ART3: variants seen among roughly 807,000 people sequenced by gnomAD.
ART3 encodes the protein ADP-ribosyltransferase 3 (inactive), also known as ecto-ADP-ribosyltransferase 3.
In ART3, 49 loss-of-function variants were observed where a neutral mutation model predicts 48.5. The observed-to-expected ratio is 1.01, with a 90% CI of 0.80 to 1.28. The LOEUF (loss-of-function observed/expected upper bound fraction) is 1.28, where lower values mean the gene tolerates loss of function less well. Among genes scored for constraint, ART3 ranks in the 50% most tolerant of loss-of-function variants. ART3 has a pLI of 0.00. For synonymous variants in ART3, 145 were observed against 157.2 expected (o/e 0.92, Z 0.58); for missense variants, 438 against 454.3 (o/e 0.96, Z 0.33).
At chr4:76,022,260 A>T in intron 1 of ART3, 1 of 913,900 alleles carries the variant, frequency 1.1e-6, no homozygotes, top group Non-Finnish European at 1.8e-6. Flanking sequence ...GTGGTAACAT[A>T]CTTTTAAACC....
chr4:76,031,909 A>G (rs1217099552), intron 1 of ART3, among the ~76,000 whole-genome samples: 2 of 152,156 alleles, frequency 1.3e-5, no homozygotes, highest in Non-Finnish European at 2.9e-5. Flanking sequence ...AATAAATAGG[A>G]CACCTAATCT....
chr4:76,069,800 C>A (rs527275615), upstream of ART3, among the ~76,000 whole-genome samples: 1 of 151,262 alleles, frequency 6.6e-6, no homozygotes, highest in South Asian at 2.1e-4. Flanking sequence ...CACTTTTTGA[C>A]TATTATATTT....
chr4:76,041,829 G>A (rs1735002229), intron 1 of ART3, among the ~76,000 whole-genome samples: 1 of 152,158 alleles, frequency 6.6e-6, no homozygotes, highest in South Asian at 2.1e-4. Flanking sequence ...TAAAGCTGAG[G>A]TTGGAGAGGC....
In ART3 at chr4:76,065,450, A is replaced by G. The variant is rs576322587; in HGVS notation, c.-9-10431A>G. ...GAGAATGTACAAACTCCACATAGAC[A>G]GTAGTCCTGGCTGAGAATCAGGTTT... On this transcript the variant is annotated intron_variant, in intron 1 of 9. Transcript: ENST00000341029. Among the ~76,000 whole-genome samples, 15 of 152,240 alleles carry G rather than the reference A, an allele frequency of 9.9e-5. No individual in the cohort carries two copies. The East Asian group carries it at 2.7e-3, about 27-fold the overall frequency.
In ART3 at chr4:76,104,596, G is replaced by A; in HGVS notation, c.971-1G>A. On this transcript the variant is annotated splice_acceptor_variant, in intron 9 of 11. Transcript: ENST00000355810. LOFTEE classifies it high-confidence loss of function. Reference sequence around the variant, plus strand: ...TCATTGGAAACTTCCTTCTCATTTAGGAATGAAAATTCCAGAACCTTTTCC... The same window carrying A: ...TCATTGGAAACTTCCTTCTCATTTAAGAATGAAAATTCCAGAACCTTTTCC... The A allele has an allele frequency of 6.4e-7, 1 of 1,551,492 alleles. No individual in the cohort carries two copies. Among genetic ancestry groups the A allele is most frequent in the East Asian group, 2.4e-5 (1 of 40,914 alleles).
chr4:76,073,039 C>G (rs1429810935), upstream of ART3, among the ~76,000 whole-genome samples: 2 of 152,238 alleles, frequency 1.3e-5, no homozygotes, highest in Non-Finnish European at 2.9e-5. Context: ...TCACTACATT[C>G]TAACATACTT....
chr4:76,023,318 T>C, intron 1 of ART3: 1 of 1,353,624 alleles, frequency 7.4e-7, no homozygotes. Context: ...TTAGAATTTA[T>C]ACCTATTCCT....
rs181170252 is a variant in ART3 at position 76,035,389 on chromosome 4, G to T, written c.-10+24069G>T. ...GTTAGTAATGCATCTGATTGCAACA[G>T]ATGGCTGTGGTTTATAGCTGGTGGT... On this transcript the variant is annotated intron_variant, in intron 1 of 9. Coordinates refer to the ART3 transcript ENST00000341029. 2.3e-3 allele frequency: 3,695 copies of T among 1,595,392 alleles called. 42 individuals carry two copies. The highest frequency in any genetic ancestry group is 0.022 in the South Asian group (1,985 of 88,290).
intron 1 of ART3, among the ~76,000 whole-genome samples, chr4:76,049,715 G>A (rs555488487): frequency 1.3e-4 from 19 of 151,978 alleles, no homozygotes; most frequent in East Asian, 1.2e-3. Flanking sequence ...GGCGATAGGC[G>A]ATTGTCTCAC....
intron 1 of ART3, among the ~76,000 whole-genome samples, chr4:76,050,005 A>G (rs1578324317): frequency 1.3e-5 from 2 of 151,068 alleles, no homozygotes. Context: ...TACAGCTCTT[A>G]AGGCGGCGCG....
At chr4:76,027,890 T>G (rs1056824210) in intron 1 of ART3, among the ~76,000 whole-genome samples, 1 of 151,200 alleles carries the variant, frequency 6.6e-6, no homozygotes, top group Non-Finnish European at 1.5e-5. Context: ...GTAAGCATAT[T>G]CTCAGAGAGT....
At chr4:76,020,582 C>G (rs772880100) in intron 1 of ART3, among the ~76,000 whole-genome samples, 14 of 152,150 alleles carry the variant, frequency 9.2e-5, no homozygotes, top group Non-Finnish European at 1.9e-4. Context: ...TGCAATTAAA[C>G]TAGGACATAG....
intron 3 of ART3, among the ~76,000 whole-genome samples, chr4:76,088,519 A>C (rs899492133): frequency 6.6e-6 from 1 of 152,148 alleles, no homozygotes; most frequent in African/African-American, 2.4e-5. Flanking sequence ...GTGAGCCTAC[A>C]GGACTATCCA....
At chr4:76,037,907 C>G (rs1030245690) in intron 1 of ART3, among the ~76,000 whole-genome samples, 2 of 151,936 alleles carry the variant, frequency 1.3e-5, no homozygotes, top group African/African-American at 4.8e-5. Flanking sequence ...TATTCAACTT[C>G]TTTTTTTGAG....
intron 2 of ART3, among the ~76,000 whole-genome samples, chr4:76,079,942 AGAG>A: frequency 6.6e-6 from 1 of 152,072 alleles, no homozygotes; most frequent in African/African-American, 2.4e-5. Flanking sequence ...AGAGAGAGAG[AGAG>A]AGAGAGTTTT....
intron 1 of ART3, chr4:76,035,854 A>G (rs1734340357): frequency 7.4e-7 from 1 of 1,344,240 alleles, no homozygotes; most frequent in South Asian, 1.2e-5. Flanking sequence ...CTTTTAGGAT[A>G]AAAGTGGAAG....
intron 1 of ART3, among the ~76,000 whole-genome samples, chr4:76,032,853 T>G (rs908834579): frequency 6.6e-6 from 1 of 152,128 alleles, no homozygotes; most frequent in Non-Finnish European, 1.5e-5. Context: ...CCCAAAGTGC[T>G]GGGATTACAG....
chr4:76,071,101 G>A (rs1438955041), upstream of ART3, among the ~76,000 whole-genome samples: 2 of 152,012 alleles, frequency 1.3e-5, no homozygotes, highest in South Asian at 4.2e-4. Flanking sequence ...TATAATCTCA[G>A]CACTTTGGAA....
upstream of ART3, chr4:76,074,603 A>AG (rs1382092474): frequency 6.6e-6 from 1 of 152,218 alleles, no homozygotes; most frequent in Non-Finnish European, 1.5e-5. Context: ...TCCAAGGCAT[A>AG]GTGTGGGGGG....
Sources: allele counts gnomAD v4.1 joint callset (sites outside exome capture counted in the v4.1 genomes callset), GRCh38; gene constraint gnomAD v4.1.1; transcripts MANE v1.5; gene names NCBI Gene and HGNC (gene_info 2026-07-23, HGNC 2026-07-21).